SFMBT1: variants seen among roughly 807,000 people sequenced by gnomAD.
The protein encoded by SFMBT1 is scm-like with four MBT domains protein 1.
Under a neutral mutation model 108.7 loss-of-function variants are expected in SFMBT1, and 32 were observed. That is an observed-to-expected ratio of 0.29 (90% confidence interval 0.22 to 0.40). The LOEUF (loss-of-function observed/expected upper bound fraction) is 0.40. SFMBT1 is among the 10% of genes least tolerant of loss of function. The pLI is 1.00. For synonymous variants in SFMBT1, 348 were observed against 369.5 expected, an observed-to-expected ratio of 0.94 and a Z score of 0.67; for missense variants, 816 against 1,059.6, an observed-to-expected ratio of 0.77 and a Z score of 3.19.
chr3:52,955,517 G>A, intron 2 of SFMBT1, among the ~76,000 whole-genome samples: 1 of 151,714 alleles, frequency 6.6e-6, no homozygotes, highest in East Asian at 1.9e-4. Flanking sequence ...AATGATAAAG[G>A]AGATATCACC....
intron 1 of SFMBT1, among the ~76,000 whole-genome samples, chr3:53,009,816 CAA>C (rs1698882387): frequency 6.6e-6 from 1 of 152,046 alleles, no homozygotes; most frequent in Admixed American, 6.5e-5. Flanking sequence ...CTAGAGAAAA[CAA>C]AATATTAGAA....
At chr3:52,913,701 G>A (rs889625473) in intron 14 of SFMBT1, 84 bp from the exon 15 acceptor site, 17 of 1,409,766 alleles carry the variant, frequency 1.2e-5, no homozygotes, top group South Asian at 7.9e-5. Flanking sequence ...GAAGAAAAAC[G>A]AAGCACATGT....
At chr3:52,925,951 G>A in intron 10 of SFMBT1, 80 bp downstream of exon 10, 1 of 1,272,646 alleles carries the variant, frequency 7.9e-7, no homozygotes, top group South Asian at 1.3e-5. Flanking sequence ...TATCTTCAGA[G>A]CAATAACATG....
intron 2 of SFMBT1, among the ~76,000 whole-genome samples, chr3:52,958,783 C>A (rs991112880): frequency 6.6e-6 from 1 of 150,738 alleles, no homozygotes; most frequent in East Asian, 1.9e-4. Context: ...TGGGTATCTA[C>A]CCAAAGGAAT....
intron 2 of SFMBT1, among the ~76,000 whole-genome samples, chr3:52,965,862 C>CG (rs2106852720): frequency 6.7e-6 from 1 of 149,658 alleles, no homozygotes; most frequent in African/African-American, 2.5e-5. Context: ...AAAAATTAGC[C>CG]GGGCGTGGTA....
intron 1 of SFMBT1, among the ~76,000 whole-genome samples, chr3:53,002,874 G>A (rs1266895681): frequency 6.7e-6 from 1 of 150,166 alleles, no homozygotes; most frequent in Non-Finnish European, 1.5e-5. Flanking sequence ...TCTAGTTATT[G>A]GGTGTTTTCC....
chr3:53,032,070 C>T (rs980747267), intron 1 of SFMBT1, among the ~76,000 whole-genome samples: 1 of 152,170 alleles, frequency 6.6e-6, no homozygotes, highest in African/African-American at 2.4e-5. Context: ...CTAAATGTAA[C>T]AAACTTGATG....
Position 52,954,411 on chromosome 3 carries a change from T to C in SFMBT1, c.29A>G (p.Asp10Gly), listed in dbSNP as rs569986448. 6.2e-7 allele frequency: 1 copy of C among 1,607,966 alleles called. No individual in the cohort carries two copies. Among genetic ancestry groups the C allele is most frequent in the African/African-American group, 1.3e-5 (1 of 74,646 alleles). Residue 10 changes from aspartate to glycine, a missense_variant and splice_region_variant, in exon 3 of 21, where the codon GAT becomes GGT. Asp to Gly is a moderately conservative substitution (Grantham distance 94). Coordinates refer to ENST00000394752, the MANE Select transcript of SFMBT1 (RefSeq NM_016329.4). MNGEQQLDA[D>G]AGSGMEEVEL... ...TACCTCTTCCATACCAGAGCCGGCA[T>C]CTAGAATTAAAAATAAAACAAAAAC...
chr3:52,978,384 G>C (rs567790798), intron 1 of SFMBT1, among the ~76,000 whole-genome samples: 6 of 152,202 alleles, frequency 3.9e-5, no homozygotes, highest in African/African-American at 1.4e-4. Flanking sequence ...AGGCAGGAGA[G>C]AGGTCAACTT....
intron 1 of SFMBT1, among the ~76,000 whole-genome samples, chr3:53,039,793 C>T (rs549594315): frequency 6.6e-6 from 1 of 152,296 alleles, no homozygotes; most frequent in South Asian, 2.1e-4. Flanking sequence ...CGCCACCACA[C>T]CTGGCTAATT....
intron 1 of SFMBT1, among the ~76,000 whole-genome samples, chr3:53,029,462 G>A (rs960264278): frequency 2.0e-5 from 3 of 152,034 alleles, no homozygotes; most frequent in East Asian, 1.9e-4. Context: ...GAAATTCTGC[G>A]CCAGAACAGG....
chr3:52,985,705 C>T (rs772988953), intron 1 of SFMBT1, among the ~76,000 whole-genome samples: 6 of 152,134 alleles, frequency 3.9e-5, no homozygotes, highest in East Asian at 1.9e-4. Flanking sequence ...CTAGATGGTG[C>T]GGCCTACTAT....
At chr3:52,956,409 G>A (rs1703785038) in intron 2 of SFMBT1, among the ~76,000 whole-genome samples, 1 of 152,194 alleles carries the variant, frequency 6.6e-6, no homozygotes, top group South Asian at 2.1e-4. Flanking sequence ...GCAGTGAGCT[G>A]AGATCACGCC....
At chr3:52,934,785 T>C (rs2710315) in intron 5 of SFMBT1, 28 bp downstream of exon 5, 1,565,329 of 1,570,074 alleles carry the variant, frequency 1, 780,425 homozygotes, top group East Asian at 1. Flanking sequence ...GGGTTTTCCA[T>C]GCTGATGTGG....
chr3:53,046,028 C>G lies in SFMBT1; in HGVS notation c.-343G>C, dbSNP rs1315681003. Reference sequence around the variant, plus strand: ...TCCCCGCCCCCCTCCACCCGCGCTCCGGCGGAGGCGGCGGCGGCGCTCCGC... The same window carrying G: ...TCCCCGCCCCCCTCCACCCGCGCTCGGGCGGAGGCGGCGGCGGCGCTCCGC... On this transcript the variant is annotated 5_prime_UTR_variant, in exon 1 of 21. Transcript: ENST00000394752. 2.0e-5 allele frequency: 3 copies of G among 151,122 alleles called. No homozygotes were observed. Among genetic ancestry groups the G allele is most frequent in the African/African-American group, 4.9e-5 (2 of 41,174 alleles). 9.4% of individuals were successfully genotyped at this position (151,122 alleles called of 1,614,324 possible).
Position 52,921,757 on chromosome 3 carries a change from A to G in SFMBT1, c.1206T>C (p.Cys402=), listed in dbSNP as rs776103111. The part of the protein sequence containing the change: ...AVNPILPEEV[C]VATITAVRGS... ...CTCTCACTGCAGTGATGGTAGCAAC[A>G]CACACTTCTTCAGGGAGAATGGGGT... Residue 402 remains cysteine, a synonymous_variant, in exon 11 of 21, where the codon TGT becomes TGC. Coordinates refer to ENST00000394752, the MANE Select transcript of SFMBT1 (RefSeq NM_016329.4). The G allele has an allele frequency of 6.2e-7, 1 of 1,614,144 alleles. No individual in the cohort carries two copies. Among genetic ancestry groups the G allele is most frequent in the Admixed American group, 1.7e-5 (1 of 60,018 alleles).
At chr3:52,934,668 T>C in intron 5 of SFMBT1, 145 bp downstream of exon 5, 1 of 569,078 alleles carries the variant, frequency 1.8e-6, no homozygotes, top group South Asian at 2.9e-5. Context: ...CCTCTGAGGG[T>C]AAGTTTAAAC....
intron 1 of SFMBT1, among the ~76,000 whole-genome samples, chr3:52,972,366 T>C (rs1268247484): frequency 1.3e-5 from 2 of 152,176 alleles, no homozygotes; most frequent in African/African-American, 2.4e-5. Context: ...CTTAATAGGA[T>C]CACAAGAAAT....
In SFMBT1 at chr3:52,943,530, C is replaced by G; in HGVS notation, c.187G>C (p.Asp63His). ...GTGGCAACCCAGTAGGTCTCAGGATCTGTTCTCACAGCCACCTCCAGCTTC... is the reference window on the plus strand; with the variant it reads ...GTGGCAACCCAGTAGGTCTCAGGATGTGTTCTCACAGCCACCTCCAGCTTC... ...GMKLEVAVRT[D>H]PETYWVATVI... is the part of the protein sequence containing the mutation. Residue 63 changes from aspartate to histidine, a missense_variant, in exon 4 of 21, where the codon GAT (aspartate) becomes CAT (histidine). By Grantham distance (81) the Asp-to-His change is moderately conservative. Transcript: ENST00000394752. 6.2e-7 allele frequency: 1 copy of G among 1,614,186 alleles called. No individual in the cohort carries two copies. The highest frequency in any genetic ancestry group is 8.5e-7 in the Non-Finnish European group (1 of 1,180,020).
Sources: gnomAD v4.1 joint callset for allele counts (sites outside exome capture counted in the v4.1 genomes callset) on GRCh38, gnomAD v4.1.1 for gene constraint, MANE v1.5 for transcripts, NCBI Gene and HGNC (gene_info 2026-07-23, HGNC 2026-07-21) for gene names.